AGAP1: variants seen among roughly 807,000 people sequenced by gnomAD.
AGAP1 encodes the protein ArfGAP with GTPase domain, ankyrin repeat and PH domain 1.
In AGAP1, 29 loss-of-function variants were observed where a neutral mutation model predicts 105.3. That is an observed-to-expected ratio of 0.28 (90% CI 0.21 to 0.38). The LOEUF (loss-of-function observed/expected upper bound fraction) is 0.38. AGAP1 is among the 10% of genes least tolerant of loss of function. The pLI is 1.00. For synonymous variants in AGAP1, 509 were observed against 485.9 expected (o/e 1.05, Z -0.63); for missense variants, 998 against 1,165.1 (o/e 0.86, Z 2.09).
chr2:236,106,846 C>G (rs976260862), intron 16 of AGAP1, among the ~76,000 whole-genome samples: 1 of 152,202 alleles, frequency 6.6e-6, no homozygotes, highest in Non-Finnish European at 1.5e-5. Context: ...CCCCTGCTGC[C>G]TCCTTACCCA....
intron 6 of AGAP1, among the ~76,000 whole-genome samples, chr2:235,763,528 T>G (rs1954643497): frequency 6.6e-6 from 1 of 152,202 alleles, no homozygotes. Flanking sequence ...CTGAAAGCTG[T>G]GTCTCTGTCC....
At chr2:235,826,318 G>A (rs1267693848) in intron 9 of AGAP1, among the ~76,000 whole-genome samples, 1 of 152,238 alleles carries the variant, frequency 6.6e-6, no homozygotes, top group Non-Finnish European at 1.5e-5. Context: ...TGCTGCTTGG[G>A]CAGATACAGG....
chr2:235,641,244 T>G lies in AGAP1; in HGVS notation c.164-67935T>G, dbSNP rs141138893. On this transcript the variant is annotated intron_variant, in intron 1 of 17. Transcript: ENST00000304032. Reference sequence around the variant, plus strand: ...TTACCCTCTAATGTTACAAATATGATTCAGGCAAATAAAACTGCAGATGTA... The same window carrying G: ...TTACCCTCTAATGTTACAAATATGAGTCAGGCAAATAAAACTGCAGATGTA... 3.5e-3 allele frequency among the ~76,000 whole-genome samples: 525 copies of G among 152,166 alleles called. 2 individuals carry two copies. The highest frequency in any genetic ancestry group is 0.012 in the African/African-American group (498 of 41,508).
chr2:235,797,182 C>T (rs1426666354), intron 6 of AGAP1, among the ~76,000 whole-genome samples: 1 of 151,966 alleles, frequency 6.6e-6, no homozygotes, highest in Non-Finnish European at 1.5e-5. Context: ...AATTGCCCTG[C>T]CTTATTTAGG....
At chr2:235,613,062 C>T (rs1177887303) in intron 1 of AGAP1, among the ~76,000 whole-genome samples, 3 of 147,780 alleles carry the variant, frequency 2.0e-5, no homozygotes, top group Non-Finnish European at 3.0e-5. Flanking sequence ...CTCACGCTGT[C>T]GCCCAGGCTG....
At chr2:235,859,935 G>A (rs900046988) in intron 9 of AGAP1, among the ~76,000 whole-genome samples, 6 of 152,178 alleles carry the variant, frequency 3.9e-5, no homozygotes, top group African/African-American at 1.4e-4. Context: ...AGGTTGTATG[G>A]CCACTGCGAA....
intron 1 of AGAP1, among the ~76,000 whole-genome samples, chr2:235,509,453 G>A (rs938163901): frequency 2.0e-5 from 3 of 151,812 alleles, no homozygotes; most frequent in East Asian, 3.9e-4. Flanking sequence ...GGCTGGTCTC[G>A]AACTCCTGAC....
chr2:235,498,173 C>G (rs79530286), intron 1 of AGAP1, among the ~76,000 whole-genome samples: 1 of 152,272 alleles, frequency 6.6e-6, no homozygotes, highest in African/African-American at 2.4e-5. Flanking sequence ...CAAATAAAAA[C>G]ACATCCGTAA....
intron 1 of AGAP1, among the ~76,000 whole-genome samples, chr2:235,497,452 G>A (rs984160252): frequency 2.0e-5 from 3 of 152,314 alleles, no homozygotes; most frequent in African/African-American, 7.2e-5. Flanking sequence ...ATAACAAATG[G>A]CTCAAAAAGT....
chr2:235,540,760 C>G (rs1943409521), intron 1 of AGAP1, among the ~76,000 whole-genome samples: 1 of 152,164 alleles, frequency 6.6e-6, no homozygotes, highest in African/African-American at 2.4e-5. Context: ...GCGGGACGTG[C>G]ACCCCCTTCA....
Position 236,036,510 on chromosome 2 carries a change from G to A in AGAP1, c.1646-51G>A, listed in dbSNP as rs2057386552. ...TTCTGTGACAGAGGGCCCGCAGGGG[G>A]ACTGCTGTCTCATAAAAGCTAAACT... On this transcript the variant is annotated intron_variant, in intron 13 of 17. Transcript: ENST00000304032. The surrounding 1 kb of genome is among the most constrained non-coding windows in gnomAD (Gnocchi z 5.7). 1 of 1,597,662 alleles carries A rather than the reference G, an allele frequency of 6.3e-7. No individual in the cohort carries two copies. Among genetic ancestry groups the A allele is most frequent in the Non-Finnish European group, 8.5e-7 (1 of 1,171,936 alleles).
At chr2:235,768,571 T>G (rs1575399922) in intron 6 of AGAP1, among the ~76,000 whole-genome samples, 4 of 152,202 alleles carry the variant, frequency 2.6e-5, no homozygotes, top group Non-Finnish European at 5.9e-5. Context: ...AGGACAATGT[T>G]TTACCATCCT....
intron 1 of AGAP1, among the ~76,000 whole-genome samples, chr2:235,587,683 A>G (rs538800044): frequency 3.5e-4 from 53 of 151,700 alleles, no homozygotes; most frequent in African/African-American, 1.2e-3. Flanking sequence ...TGAACACTGG[A>G]GGTGGAGGTT....
intron 15 of AGAP1, among the ~76,000 whole-genome samples, chr2:236,048,142 C>T (rs997381080): frequency 2.0e-5 from 3 of 152,122 alleles, no homozygotes; most frequent in Non-Finnish European, 4.4e-5. Context: ...GTGAGTAAGC[C>T]GTATTTACTT....
chr2:235,932,269 G>A (rs1006720788), intron 12 of AGAP1, among the ~76,000 whole-genome samples: 3 of 152,120 alleles, frequency 2.0e-5, no homozygotes, highest in African/African-American at 4.8e-5. Context: ...ATGAGCCTCC[G>A]TTTTCTTATC....
At position 236,120,303 on chromosome 2, in the gene AGAP1, C is replaced by T. The variant is rs764429973; in HGVS notation, c.2226C>T (p.Asp742=). Residue 742 remains aspartate, a synonymous_variant, in exon 17 of 18, where the codon GAC becomes GAT. Transcript: ENST00000304032. The surrounding 1 kb of genome is among the most constrained non-coding windows in gnomAD (Gnocchi z 6.0). Reference sequence around the variant, plus strand: ...AGCACCTGCTGCGGGCCACCGCCGACGAGGACCTGCGGACGGCCATCCTGC... The same window carrying T: ...AGCACCTGCTGCGGGCCACCGCCGATGAGGACCTGCGGACGGCCATCCTGC... The part of the protein sequence containing the change: ...LGQHLLRATA[D]EDLRTAILLL... 35 of 1,612,678 alleles carry T rather than the reference C, an allele frequency of 2.2e-5. No homozygotes were observed. The highest frequency in any genetic ancestry group is 2.7e-5 in the African/African-American group (2 of 74,892).
intron 1 of AGAP1, among the ~76,000 whole-genome samples, chr2:235,502,302 C>T (rs1275289294): frequency 6.6e-6 from 1 of 152,120 alleles, no homozygotes; most frequent in Admixed American, 6.5e-5. Context: ...TTAATGGATT[C>T]TTTGAGTAAC....
chr2:235,716,082 C>G lies in AGAP1; in HGVS notation c.223-1475C>G, dbSNP rs549779834. On this transcript the variant is annotated intron_variant, in intron 2 of 17. Transcript: ENST00000304032. The surrounding 1 kb of genome is among the most constrained non-coding windows in gnomAD (Gnocchi z 4.0). Reference sequence around the variant, plus strand: ...AGGCAGCTTTTTTTTCCCCCCACATCCAACCTTCTATCAATGAGTTATGAT... The same window carrying G: ...AGGCAGCTTTTTTTTCCCCCCACATGCAACCTTCTATCAATGAGTTATGAT... Among the ~76,000 whole-genome samples, 226 of 152,318 alleles carry G rather than the reference C, an allele frequency of 1.5e-3. 1 individual carries two copies. The highest frequency in any genetic ancestry group is 4.8e-3 in the African/African-American group (199 of 41,570).
chr2:235,987,887 A>G (rs1325010289), intron 13 of AGAP1, among the ~76,000 whole-genome samples: 1 of 152,206 alleles, frequency 6.6e-6, no homozygotes, highest in African/African-American at 2.4e-5. Flanking sequence ...GTAATACGGA[A>G]TTAAAGAAGC....
Sources: allele counts gnomAD v4.1 joint callset (sites outside exome capture counted in the v4.1 genomes callset), GRCh38; gene constraint gnomAD v4.1.1; non-coding constraint Gnocchi (gnomAD v3.1); transcripts MANE v1.5; gene names NCBI Gene and HGNC (gene_info 2026-07-23, HGNC 2026-07-21).